Variants in ZFC3H1 observed in about 807,000 individuals in gnomAD.
ZFC3H1 encodes zinc finger C3H1 domain-containing protein.
In ZFC3H1, 71 loss-of-function variants were observed where a neutral mutation model predicts 243.7. That is an observed-to-expected ratio of 0.29 (90% CI 0.24 to 0.36). The LOEUF (loss-of-function observed/expected upper bound fraction) is 0.36. ZFC3H1 is among the 10% of genes least tolerant of loss of function. The pLI, the probability that ZFC3H1 is intolerant of heterozygous loss-of-function variation, is 1.00. For missense variants in ZFC3H1, 1,966 were observed against 2,317.1 expected (o/e 0.85, Z 3.11); for synonymous variants, 838 against 813.0 (o/e 1.03, Z -0.52).
rs1881098032 is a variant in ZFC3H1, at chr12:71,659,120, C to CTACTTAGCCTCTTTCTCATT, written c.599-1839_599-1820dup. 3.3e-5 allele frequency among the ~76,000 whole-genome samples: 5 copies of CTACTTAGCCTCTTTCTCATT among 152,240 alleles called. No individual in the cohort carries two copies. The South Asian group carries it at 1.0e-3, about 32-fold the overall frequency. On this transcript the variant is annotated intron_variant, in intron 1 of 34. Transcript: ENST00000378743. ...AAATAATGGTGCTCTTCAGGGAGCA[C>CTACTTAGCCTCTTTCTCATT]TACTTAGCCTCTTTCTCATTTTGAG...
rs761807981 is a variant in ZFC3H1, at chr12:71,613,302, C to T, written c.5627+33G>A. The stretch of plus-strand genomic sequence containing the variant: ...TATATAAAGAGCCTATTCCATTAGG[C>T]AGAGGACCAAAAGAATGTTAAGTTT... On this transcript the variant is annotated intron_variant, in intron 31 of 34. Transcript: ENST00000378743. 23 of 1,521,430 alleles carry T rather than the reference C, an allele frequency of 1.5e-5. No homozygotes were observed. The African/African-American group carries it at 2.6e-4, about 17-fold the overall frequency. 94.2% of individuals were successfully genotyped at this position (1,521,430 alleles called of 1,614,324 possible).
At chr12:71,625,557 T>C (rs1404391518) in intron 22 of ZFC3H1, among the ~76,000 whole-genome samples, 1 of 152,000 alleles carries the variant, frequency 6.6e-6, no homozygotes, top group Non-Finnish European at 1.5e-5. Flanking sequence ...CCAGGCATGG[T>C]AGCACGCATG....
chr12:71,610,674 A>AT, intron 34 of ZFC3H1, 21 bp downstream of exon 34: 1 of 1,612,762 alleles, frequency 6.2e-7, no homozygotes, highest in Non-Finnish European at 8.5e-7. Context: ...TCGAGATAAA[A>AT]TAAAAGATAA....
chr12:71,641,162 A>C (rs750817252), intron 6 of ZFC3H1, among the ~76,000 whole-genome samples: 3 of 152,216 alleles, frequency 2.0e-5, no homozygotes, highest in Non-Finnish European at 4.4e-5. Flanking sequence ...ATAGAAATAA[A>C]GTATTAATAA....
chr12:71,619,427 AGGG>A lies in ZFC3H1; in HGVS notation c.5050-21_5050-19del. ...CCTCGATTCTATTTTAAAAAGAGGG[AGGG>A]GGATATATATCAGGCTTACAATGTT... On this transcript the variant is annotated intron_variant, in intron 26 of 34. Transcript: ENST00000378743. 6.2e-7 allele frequency: 1 copy of A among 1,604,616 alleles called. No homozygotes were observed. Among genetic ancestry groups the A allele is most frequent in the Non-Finnish European group, 8.5e-7 (1 of 1,172,164 alleles).
intron 24 of ZFC3H1, among the ~76,000 whole-genome samples, chr12:71,621,907 G>C (rs1880040210): frequency 6.6e-6 from 1 of 151,482 alleles, no homozygotes; most frequent in Non-Finnish European, 1.5e-5. Context: ...ACTGCCATCA[G>C]CTTCTGGTTG....
intron 1 of ZFC3H1, among the ~76,000 whole-genome samples, chr12:71,661,021 T>A (rs909749631): frequency 2.0e-5 from 3 of 151,820 alleles, no homozygotes; most frequent in Admixed American, 6.6e-5. Flanking sequence ...CCATCCACAT[T>A]GGCTGGGCAC....
At chr12:71,641,330 G>A (rs1880597577) in intron 6 of ZFC3H1, among the ~76,000 whole-genome samples, 1 of 152,150 alleles carries the variant, frequency 6.6e-6, no homozygotes, top group African/African-American at 2.4e-5. Context: ...GAGCATTTTG[G>A]TAAACACTAG....
At chr12:71,629,781 C>G (rs73146243) in intron 18 of ZFC3H1, 71 bp from the exon 19 acceptor site, 30 of 984,230 alleles carry the variant, frequency 3.0e-5, no homozygotes, top group Non-Finnish European at 4.7e-5. Flanking sequence ...AAATGTATGA[C>G]GTGAACTAGT....
Position 71,663,838 on chromosome 12 carries a change from A to G in ZFC3H1, c.-228T>C. On this transcript the variant is annotated 5_prime_UTR_variant, in exon 1 of 35. Transcript: ENST00000378743. ...CCTAGCGCCCCCTTGCTCCTCAGCG[A>G]TCGGGGTTCTTCCGCCTCGCGAGAA... 3.5e-6 allele frequency: 2 copies of G among 575,934 alleles called. No individual in the cohort carries two copies. Among genetic ancestry groups the G allele is most frequent in the Non-Finnish European group, 6.1e-6 (2 of 327,196 alleles). The allele number at this position is 575,934 out of a possible 1,614,324, so 35.7% of individuals were successfully genotyped here. A position where few individuals can be genotyped will look rare whatever the true frequency, so the allele number is the denominator to read the frequency against.
intron 21 of ZFC3H1, among the ~76,000 whole-genome samples, chr12:71,627,248 T>C (rs1471656826): frequency 6.6e-6 from 1 of 152,186 alleles, no homozygotes; most frequent in Non-Finnish European, 1.5e-5. Context: ...CTATTGGTTG[T>C]ATAAGTTATT....
rs779731534 is a variant in ZFC3H1, at chr12:71,663,454, G to C, written c.157C>G (p.Pro53Ala). Residue 53 changes from proline to alanine, a missense_variant, in exon 1 of 35, where the codon CCG (proline) becomes GCG (alanine). Coordinates refer to ENST00000378743, the MANE Select transcript of ZFC3H1 (RefSeq NM_144982.5). Reference protein sequence around the residue: ...SSSGGGLLPYPRRRPPHSARG... With the variant: ...SSSGGGLLPYARRRPPHSARG... Reference sequence around the variant, plus strand: ...GCCGAGTGAGGAGGCCTTCGCCGCGGATAGGGTAACAGCCCGCCGCCGCTG... The same window carrying C: ...GCCGAGTGAGGAGGCCTTCGCCGCGCATAGGGTAACAGCCCGCCGCCGCTG... 19 of 1,612,214 alleles carry C rather than the reference G, an allele frequency of 1.2e-5. No homozygotes were observed. Among genetic ancestry groups the C allele is most frequent in the Admixed American group, 8.3e-5 (5 of 60,006 alleles).
intron 27 of ZFC3H1, among the ~76,000 whole-genome samples, chr12:71,619,033 T>G (rs1879960715): frequency 6.6e-6 from 1 of 152,202 alleles, no homozygotes; most frequent in Non-Finnish European, 1.5e-5. Context: ...TATTAAGTAC[T>G]AAAATTAACA....
At chr12:71,639,497 G>T in intron 6 of ZFC3H1, 1 of 191,596 alleles carries the variant, frequency 5.2e-6, no homozygotes, top group Non-Finnish European at 1.1e-5. Context: ...TGGTGCTATT[G>T]TTTTATGGAC....
At chr12:71,637,881 C>T (rs963413147) in intron 7 of ZFC3H1, among the ~76,000 whole-genome samples, 4 of 152,132 alleles carry the variant, frequency 2.6e-5, no homozygotes, top group African/African-American at 7.2e-5. Context: ...GATTCCTCTA[C>T]TTCCTTTTTT....
intron 6 of ZFC3H1, among the ~76,000 whole-genome samples, chr12:71,642,141 C>T (rs984968537): frequency 3.3e-5 from 5 of 152,222 alleles, no homozygotes; most frequent in Non-Finnish European, 5.9e-5. Flanking sequence ...TGAGCCACTG[C>T]ACCCGGCCCA....
intron 10 of ZFC3H1, 45 bp downstream of exon 10, chr12:71,635,398 C>T: frequency 6.5e-7 from 1 of 1,537,186 alleles, no homozygotes; most frequent in Non-Finnish European, 8.7e-7. Context: ...CTTTACTGAT[C>T]ATCAAAAGGT....
At chr12:71,622,870 C>CTATA (rs1291372386) in intron 24 of ZFC3H1, among the ~76,000 whole-genome samples, 2 of 152,084 alleles carry the variant, frequency 1.3e-5, no homozygotes, top group Non-Finnish European at 2.9e-5. Flanking sequence ...TCTGACTAGG[C>CTATA]TATATACTTC....
intron 7 of ZFC3H1, 69 bp from the exon 8 acceptor site, chr12:71,637,128 T>C: frequency 3.1e-6 from 4 of 1,294,598 alleles, no homozygotes; most frequent in Non-Finnish European, 4.3e-6. Flanking sequence ...TCTGCAGCAA[T>C]ATTAAACTAG....
Sources: gnomAD v4.1 joint callset for allele counts (sites outside exome capture counted in the v4.1 genomes callset) on GRCh38, gnomAD v4.1.1 for gene constraint, MANE v1.5 for transcripts, NCBI Gene and HGNC (gene_info 2026-07-23, HGNC 2026-07-21) for gene names.